The following HDAC4 variants were observed in gnomAD, a reference collection of about 807,000 sequenced individuals.
HDAC4 encodes histone deacetylase A.
In HDAC4, 16 loss-of-function variants were observed where a neutral mutation model predicts 135.1. The ratio of observed to expected loss-of-function variants is 0.12; its 90% confidence interval spans 0.08 to 0.18. The LOEUF is 0.18. Ranked by LOEUF, HDAC4 falls within the 10% of genes least tolerant of loss-of-function variation. The pLI, the probability that HDAC4 is intolerant of heterozygous loss-of-function variation, is 1.00. For missense variants in HDAC4, 1,143 were observed against 1,511.8 expected (o/e 0.76, Z 4.05); for synonymous variants, 685 against 653.4 (o/e 1.05, Z -0.74).
chr2:239,063,411 A>G (rs1165626763), intron 24 of HDAC4, among the ~76,000 whole-genome samples: 3 of 151,806 alleles, frequency 2.0e-5, no homozygotes, highest in Admixed American at 6.6e-5. Flanking sequence ...TCACCATGTT[A>G]GCCAGGATGG....
In HDAC4 at chr2:239,268,211, C is replaced by T. The variant is rs567926295; in HGVS notation, c.23-31547G>A. On this transcript the variant is annotated intron_variant, in intron 2 of 26. Coordinates refer to ENST00000543185, the MANE Select transcript of HDAC4 (RefSeq NM_001378414.1). ...GGAAGTGAACTTGGTCCTCAGCAAA[C>T]TGGGAATGCCAACAGCGCTGGCCAC... Among the ~76,000 whole-genome samples, 78 of 152,334 alleles carry T rather than the reference C, an allele frequency of 5.1e-4. 1 individual carries two copies. In the Middle Eastern group the frequency reaches 0.014, roughly 27 times the overall value.
intron 17 of HDAC4, among the ~76,000 whole-genome samples, chr2:239,093,472 G>A (rs1048740667): frequency 7.9e-5 from 12 of 152,214 alleles, no homozygotes; most frequent in African/African-American, 2.4e-4. Context: ...GACAGCAGGT[G>A]CATCCCACAC....
At chr2:239,219,899 C>T (rs1164903730) in intron 3 of HDAC4, among the ~76,000 whole-genome samples, 1 of 152,214 alleles carries the variant, frequency 6.6e-6, no homozygotes, top group Non-Finnish European at 1.5e-5. Flanking sequence ...TGAAGACACA[C>T]ATGGTCAGCA....
Position 239,280,739 on chromosome 2 carries a change from G to A in HDAC4, c.23-44075C>T, listed in dbSNP as rs372616619. Among the ~76,000 whole-genome samples, 33 of 152,120 alleles carry A rather than the reference G, an allele frequency of 2.2e-4. No individual in the cohort carries two copies. The East Asian group carries it at 4.8e-3, about 22-fold the overall frequency. On this transcript the variant is annotated intron_variant, in intron 2 of 26. Transcript: ENST00000543185. The stretch of plus-strand genomic sequence containing the variant: ...CCAAGTCTTGTCCCCATGCACACAC[G>A]TGTGTAAACCATGTACACCACTCCA...
At chr2:239,288,180 C>T (rs762032400) in intron 2 of HDAC4, among the ~76,000 whole-genome samples, 1 of 151,798 alleles carries the variant, frequency 6.6e-6, no homozygotes, top group African/African-American at 2.4e-5. Context: ...TTATCACAAA[C>T]AAGCTGAATC....
At chr2:239,193,347 T>A (rs2045134665) in intron 3 of HDAC4, among the ~76,000 whole-genome samples, 1 of 152,284 alleles carries the variant, frequency 6.6e-6, no homozygotes, top group Non-Finnish European at 1.5e-5. Context: ...TTAAGGGATT[T>A]TTTTTATTAA....
chr2:239,082,329 T>C (rs2152688230), intron 20 of HDAC4, 108 bp from the exon 21 acceptor site: 2 of 1,427,276 alleles, frequency 1.4e-6, no homozygotes, highest in Non-Finnish European at 9.9e-7. Flanking sequence ...CGGCTCCTGC[T>C]CAGGAATGAC....
intron 1 of HDAC4, among the ~76,000 whole-genome samples, chr2:239,366,884 G>A (rs780367037): frequency 8.0e-5 from 12 of 149,542 alleles, no homozygotes; most frequent in Non-Finnish European, 1.6e-4. Context: ...CCTTATGTCA[G>A]TACCAGACTA....
chr2:239,112,908 G>A (rs1014468314), intron 13 of HDAC4, among the ~76,000 whole-genome samples: 8 of 152,202 alleles, frequency 5.3e-5, no homozygotes, highest in African/African-American at 1.4e-4. Flanking sequence ...AGAGCTACCC[G>A]GCCAGGCTCC....
chr2:239,122,585 T>A (rs894706570), intron 12 of HDAC4, among the ~76,000 whole-genome samples: 2 of 152,112 alleles, frequency 1.3e-5, no homozygotes, highest in Non-Finnish European at 2.9e-5. Context: ...TCTGCCACCA[T>A]CCCGACCACA....
Position 239,313,004 on chromosome 2 carries a change from G to A in HDAC4, c.22+39674C>T, listed in dbSNP as rs1447570954. Among the ~76,000 whole-genome samples the A allele has an allele frequency of 2.0e-5, 3 of 152,218 alleles. No individual in the cohort carries two copies. The highest frequency in any genetic ancestry group is 4.4e-5 in the Non-Finnish European group (3 of 68,042). On this transcript the variant is annotated intron_variant, in intron 2 of 26. Coordinates refer to ENST00000543185, the MANE Select transcript of HDAC4 (RefSeq NM_001378414.1). The surrounding 1 kb of genome is among the most constrained non-coding windows in gnomAD (Gnocchi z 5.1). ...CACTGGCTGCCGACGGGAGGCAGAC[G>A]AGGTGCCGGGGGCAGCCTGCAGAGC...
intron 5 of HDAC4, among the ~76,000 whole-genome samples, chr2:239,172,316 A>C (rs1394105339): frequency 1.4e-5 from 2 of 147,890 alleles, no homozygotes; most frequent in Non-Finnish European, 3.0e-5. Context: ...ATATATATAT[A>C]TATCACTAAA....
At chr2:239,346,882 AACACACACACCCTGTCTCTC>A (rs1408744011) in intron 2 of HDAC4, among the ~76,000 whole-genome samples, 6 of 130,730 alleles carry the variant, frequency 4.6e-5, no homozygotes, top group Non-Finnish European at 8.3e-5. Flanking sequence ...CACACACCCT[AACACACACACCCTGTCTCTC>A]ACACACACAC....
At chr2:239,312,708 T>C (rs2052942900) in intron 2 of HDAC4, among the ~76,000 whole-genome samples, 1 of 152,190 alleles carries the variant, frequency 6.6e-6, no homozygotes, top group Admixed American at 6.5e-5. Context: ...CCCATGGACA[T>C]GAAGTTGGTC....
chr2:239,369,128 G>A (rs567679108), intron 1 of HDAC4, among the ~76,000 whole-genome samples: 1 of 152,264 alleles, frequency 6.6e-6, no homozygotes, highest in Admixed American at 6.5e-5. Flanking sequence ...GACACAGACA[G>A]GCCCTCTCTG....
At chr2:239,188,852 C>G (rs2044717370) in intron 4 of HDAC4, among the ~76,000 whole-genome samples, 1 of 152,242 alleles carries the variant, frequency 6.6e-6, no homozygotes. Flanking sequence ...CTCAGGCCTC[C>G]TGCCTGCGGC....
rs2052781456 is a variant in HDAC4, at chr2:239,309,742, C to T, written c.22+42936G>A. On this transcript the variant is annotated intron_variant, in intron 2 of 26. Coordinates refer to ENST00000543185, the MANE Select transcript of HDAC4 (RefSeq NM_001378414.1). The surrounding 1 kb of genome is among the most constrained non-coding windows in gnomAD (Gnocchi z 4.2). ...GGCCTCAAGGGAGGCAATCCCCCCA[C>T]ACACCATCCCCTTCCCCTTCGCTCA... 6.6e-6 allele frequency among the ~76,000 whole-genome samples: 1 copy of T among 152,240 alleles called. No homozygotes were observed. The highest frequency in any genetic ancestry group is 2.1e-4 in the South Asian group (1 of 4,832).
chr2:239,062,069 C>T (rs762878048), intron 24 of HDAC4, among the ~76,000 whole-genome samples: 6 of 152,242 alleles, frequency 3.9e-5, no homozygotes, highest in African/African-American at 7.2e-5. Context: ...TGCGCCCACA[C>T]GACTCCACGG....
intron 1 of HDAC4, among the ~76,000 whole-genome samples, chr2:239,365,207 G>A (rs1166946127): frequency 6.6e-6 from 1 of 152,170 alleles, no homozygotes; most frequent in Non-Finnish European, 1.5e-5. Flanking sequence ...TCTGGCTATT[G>A]TGTTTTATAA....
Sources: allele counts gnomAD v4.1 joint callset (sites outside exome capture counted in the v4.1 genomes callset), GRCh38; gene constraint gnomAD v4.1.1; non-coding constraint Gnocchi (gnomAD v3.1); transcripts MANE v1.5; gene names NCBI Gene and HGNC (gene_info 2026-07-23, HGNC 2026-07-21).